The following DNAH11 variants were observed in gnomAD, a reference collection of about 807,000 sequenced individuals.
DNAH11 encodes the protein axonemal beta dynein heavy chain 11.
A neutral mutation model predicts 526.0 loss-of-function variants in DNAH11; 442 were observed. The observed-to-expected ratio is 0.84, with a 90% confidence interval of 0.78 to 0.91. The LOEUF (loss-of-function observed/expected upper bound fraction) is 0.91, where lower values mean the gene tolerates loss of function less well. DNAH11 is among the 40% of genes least tolerant of loss of function. The pLI, the probability that DNAH11 is intolerant of heterozygous loss-of-function variation, is 0.00. For missense variants in DNAH11, 6,989 were observed against 5,448.7 expected (o/e 1.28, Z -8.90); for synonymous variants, 2,461 against 1,935.9 (o/e 1.27, Z -7.12).
Position 21,706,197 on chromosome 7 carries a change from G to A in DNAH11, c.6546+660G>A, listed in dbSNP as rs1295418048. Among the ~76,000 whole-genome samples the A allele has an allele frequency of 3.3e-5, 5 of 151,914 alleles. No individual in the cohort carries two copies. The East Asian group carries it at 7.8e-4, about 24-fold the overall frequency. ...ACTCGGCACAACAATGATATACTAT[G>A]GGTATTATTATCCCCATTTTTAGTT... On this transcript the variant is annotated intron_variant, in intron 39 of 81. Coordinates refer to ENST00000409508, the MANE Select transcript of DNAH11 (RefSeq NM_001277115.2).
chr7:21,768,737 G>C (rs148994819), intron 55 of DNAH11, among the ~76,000 whole-genome samples: 6 of 152,288 alleles, frequency 3.9e-5, no homozygotes, highest in Middle Eastern at 6.8e-3. Context: ...TGGCGAGAAA[G>C]TCCACTCTAA....
Position 21,900,118 on chromosome 7 carries a change from AGGGTAAGACACCCCAAG to A in DNAH11, c.13303+6_13303+22del, listed in dbSNP as rs769645908. On this transcript the variant is annotated splice_donor_variant and splice_donor_5th_base_variant and coding_sequence_variant and intron_variant, in exon 81 of 82. Coordinates refer to ENST00000409508, the MANE Select transcript of DNAH11 (RefSeq NM_001277115.2). LOFTEE classifies it high-confidence loss of function. ...GCATACCTCCACGGACTCTTCATGG[AGGGTAAGACACCCCAAG>A]GGGTAAGTGGGGAACCTTTTCTTAC... 3.0e-5 allele frequency: 49 copies of A among 1,610,600 alleles called. 1 individual carries two copies. In the South Asian group the frequency reaches 4.9e-4, roughly 16 times the overall value.
At chr7:21,686,270 A>G (rs1783371190) in intron 32 of DNAH11, among the ~76,000 whole-genome samples, 1 of 152,206 alleles carries the variant, frequency 6.6e-6, no homozygotes, top group African/African-American at 2.4e-5. Flanking sequence ...AGACTTATTT[A>G]AGATTAGCAT....
At chr7:21,738,571 C>T in intron 46 of DNAH11, 130 bp from the exon 47 acceptor site, 2 of 876,816 alleles carry the variant, frequency 2.3e-6, no homozygotes, top group South Asian at 3.8e-5. Context: ...GTCTCTTAAC[C>T]TATGAAGGGG....
intron 59 of DNAH11, 48 bp from the exon 60 acceptor site, chr7:21,787,353 C>A (rs764328684): frequency 5.9e-6 from 9 of 1,537,936 alleles, no homozygotes; most frequent in South Asian, 1.3e-5. Flanking sequence ...TTGGAATTTT[C>A]TCTGCAGCCA....
At chr7:21,819,246 A>G (rs960756240) in intron 65 of DNAH11, among the ~76,000 whole-genome samples, 2 of 151,854 alleles carry the variant, frequency 1.3e-5, no homozygotes, top group African/African-American at 4.9e-5. Flanking sequence ...CCTCTAAGGT[A>G]TCTGTCCCCT....
In DNAH11 at chr7:21,789,360, C is replaced by T; in HGVS notation, c.10026+18C>T. 1.9e-6 allele frequency: 3 copies of T among 1,539,922 alleles called. No individual in the cohort carries two copies. The East Asian group carries it at 7.3e-5, about 37-fold the overall frequency. Reference sequence around the variant, plus strand: ...AGCTTGTGGTGAGTGCAAACTATGACATTGAAAAGGTTCCCAAGAGGTGGT... The same window carrying T: ...AGCTTGTGGTGAGTGCAAACTATGATATTGAAAAGGTTCCCAAGAGGTGGT... On this transcript the variant is annotated intron_variant, in intron 61 of 81. Transcript: ENST00000409508.
Position 21,901,419 on chromosome 7 carries a change from C to A in DNAH11, c.*165C>A. On this transcript the variant is annotated 3_prime_UTR_variant, in exon 82 of 82. Coordinates refer to ENST00000409508, the MANE Select transcript of DNAH11 (RefSeq NM_001277115.2). ...GAAAGTCAGAAAAAAATACTAGAAACTAACTCAGGGCTGAGCGTGGTGGCA... is the reference window on the plus strand; with the variant it reads ...GAAAGTCAGAAAAAAATACTAGAAAATAACTCAGGGCTGAGCGTGGTGGCA... The A allele has an allele frequency of 9.8e-7, 1 of 1,021,248 alleles. No homozygotes were observed. The highest frequency in any genetic ancestry group is 1.3e-6 in the Non-Finnish European group (1 of 762,654). 63.3% of individuals were successfully genotyped at this position (1,021,248 alleles called of 1,614,324 possible). A position where few individuals can be genotyped will look rare whatever the true frequency, so the allele number is the denominator to read the frequency against.
chr7:21,823,755 A>G (rs1790154522), intron 65 of DNAH11, among the ~76,000 whole-genome samples: 1 of 152,212 alleles, frequency 6.6e-6, no homozygotes, highest in Non-Finnish European at 1.5e-5. Context: ...TAAGTATTCA[A>G]ATACTAGACA....
chr7:21,814,365 T>A (rs1264398213), intron 63 of DNAH11, among the ~76,000 whole-genome samples: 4 of 151,554 alleles, frequency 2.6e-5, no homozygotes, highest in Non-Finnish European at 4.4e-5. Context: ...TTTTTATTTT[T>A]TTATTTTTAT....
chr7:21,588,315 G>C (rs1784544924), intron 10 of DNAH11, 114 bp downstream of exon 10: 3 of 1,398,300 alleles, frequency 2.1e-6, no homozygotes, highest in South Asian at 1.5e-5. Context: ...CTACATTTTT[G>C]TGCTTTTATT....
At chr7:21,802,074 C>A (rs1313316904) in intron 62 of DNAH11, among the ~76,000 whole-genome samples, 1 of 152,074 alleles carries the variant, frequency 6.6e-6, no homozygotes, top group African/African-American at 2.4e-5. Flanking sequence ...ATAACGTTTC[C>A]CTTACAAGGT....
At chr7:21,817,795 C>T (rs1453922431) in intron 64 of DNAH11, among the ~76,000 whole-genome samples, 2 of 151,708 alleles carry the variant, frequency 1.3e-5, no homozygotes, top group African/African-American at 4.8e-5. Context: ...AAAATGATAG[C>T]TCACCATTTT....
chr7:21,608,987 T>A (rs1785411074), intron 20 of DNAH11, among the ~76,000 whole-genome samples: 1 of 152,202 alleles, frequency 6.6e-6, no homozygotes, highest in African/African-American at 2.4e-5. Flanking sequence ...ATTATTGTTC[T>A]GGGCTGGTAT....
At chr7:21,699,405 A>T (rs935384667) in intron 36 of DNAH11, among the ~76,000 whole-genome samples, 3 of 152,176 alleles carry the variant, frequency 2.0e-5, no homozygotes, top group Non-Finnish European at 4.4e-5. Flanking sequence ...CCATATGATC[A>T]TTTTTGACTT....
At chr7:21,829,336 T>C (rs1423511115) in intron 65 of DNAH11, among the ~76,000 whole-genome samples, 1 of 151,758 alleles carries the variant, frequency 6.6e-6, no homozygotes, top group East Asian at 1.9e-4. Flanking sequence ...CAGAATGGAA[T>C]TTCTCCTATT....
At chr7:21,855,240 C>G (rs1253867821) in intron 68 of DNAH11, among the ~76,000 whole-genome samples, 2 of 151,996 alleles carry the variant, frequency 1.3e-5, no homozygotes, top group Non-Finnish European at 2.9e-5. Flanking sequence ...ACCGTGTTAG[C>G]CAGAATGATC....
chr7:21,733,795 A>C (rs139274048), intron 45 of DNAH11, among the ~76,000 whole-genome samples: 1 of 152,308 alleles, frequency 6.6e-6, no homozygotes, highest in East Asian at 1.9e-4. Flanking sequence ...TACGTAATGC[A>C]ATCCTTACAT....
rs777174573 is a variant in DNAH11 at position 21,720,802 on chromosome 7, C to T, written c.7212C>T (p.Val2404=). 9.9e-6 allele frequency: 16 copies of T among 1,611,942 alleles called. 1 individual carries two copies. In the South Asian group the frequency reaches 1.5e-4, roughly 16 times the overall value. ...ACAGCCCAAAAGAAGTTTATGAAGTCTATTTTGTATTTGCTTGTATCTGGG... is the reference window on the plus strand; with the variant it reads ...ACAGCCCAAAAGAAGTTTATGAAGTTTATTTTGTATTTGCTTGTATCTGGG... ...PSDSPKEVYE[V]YFVFACIWAF... Residue 2404 remains valine (V), a synonymous_variant, in exon 44 of 82, where the codon GTC becomes GTT. Coordinates refer to ENST00000409508, the MANE Select transcript of DNAH11 (RefSeq NM_001277115.2).
Sources: allele counts gnomAD v4.1 joint callset (sites outside exome capture counted in the v4.1 genomes callset), GRCh38; gene constraint gnomAD v4.1.1; transcripts MANE v1.5; gene names NCBI Gene and HGNC (gene_info 2026-07-23, HGNC 2026-07-21).